Variants in GPC5 observed in about 807,000 individuals in gnomAD.
GPC5 encodes the protein glypican 5, also known as glypican-5.
GPC5 carries 47 observed loss-of-function variants against 53.9 expected under a neutral mutation model. That is an observed-to-expected ratio of 0.87 (90% confidence interval 0.69 to 1.11). GPC5 has a LOEUF of 1.11. Among genes scored for constraint, GPC5 ranks in the 50% most tolerant of loss-of-function variants. GPC5 has a pLI of 0.00. For synonymous variants in GPC5, 286 were observed against 263.3 expected (o/e 1.09, Z -0.84); for missense variants, 748 against 713.1 (o/e 1.05, Z -0.56).
chr13:92,254,685 C>A (rs1282862837), intron 7 of GPC5, among the ~76,000 whole-genome samples: 5 of 152,244 alleles, frequency 3.3e-5, no homozygotes, highest in East Asian at 1.9e-4. Flanking sequence ...GGGAAACTTA[C>A]AATCATGGCA....
intron 7 of GPC5, among the ~76,000 whole-genome samples, chr13:92,483,287 A>T (rs1317499357): frequency 1.3e-5 from 2 of 152,210 alleles, no homozygotes; most frequent in Non-Finnish European, 2.9e-5. Context: ...TAGATGATAC[A>T]GCCCACTCCC....
At chr13:92,628,169 TCAC>T (rs1209430837) in intron 7 of GPC5, among the ~76,000 whole-genome samples, 1 of 151,826 alleles carries the variant, frequency 6.6e-6, no homozygotes, top group Non-Finnish European at 1.5e-5. Flanking sequence ...CAAACTTCCT[TCAC>T]CACCTAATAG....
At chr13:91,925,497 G>T (rs1355872704) in intron 6 of GPC5, among the ~76,000 whole-genome samples, 1 of 152,160 alleles carries the variant, frequency 6.6e-6, no homozygotes, top group Non-Finnish European at 1.5e-5. Flanking sequence ...TATTATGATA[G>T]ATTCAGGGAG....
Position 92,049,325 on chromosome 13 carries a change from C to T in GPC5, c.1402-95505C>T, listed in dbSNP as rs7987911. On this transcript the variant is annotated intron_variant, in intron 6 of 7. Transcript: ENST00000377067. ...TTTTGCCCTTAGTACATATCACTATCTGACCTTATATAGTTTTTAACTTTC... is the reference window on the plus strand; with the variant it reads ...TTTTGCCCTTAGTACATATCACTATTTGACCTTATATAGTTTTTAACTTTC... Among the ~76,000 whole-genome samples, 51 of 152,208 alleles carry T rather than the reference C, an allele frequency of 3.4e-4. 1 individual carries two copies. The East Asian group carries it at 7.9e-3, about 24-fold the overall frequency.
intron 5 of GPC5, among the ~76,000 whole-genome samples, chr13:91,876,492 G>A (rs1389281279): frequency 6.6e-6 from 1 of 152,162 alleles, no homozygotes; most frequent in African/African-American, 2.4e-5. Flanking sequence ...CTCTTGTTAT[G>A]TTATAGTGAA....
At chr13:91,721,104 TCTTTCTTTCTTTCTTTC>T (rs2036458938) in intron 3 of GPC5, among the ~76,000 whole-genome samples, 1 of 142,706 alleles carries the variant, frequency 7.0e-6, no homozygotes. Flanking sequence ...TTTCTTTCTT[TCTTTCTTTCTTTCTTTC>T]TTTCTTTCTT....
intron 2 of GPC5, among the ~76,000 whole-genome samples, chr13:91,478,824 C>A (rs503330): frequency 2.6e-5 from 2 of 77,902 alleles, no homozygotes; most frequent in Non-Finnish European, 4.6e-5. Context: ...TATATATATA[C>A]ACACACACAC....
In GPC5 at chr13:92,765,582, C is replaced by T. The variant is rs934905188; in HGVS notation, c.1562-100700C>T. Among the ~76,000 whole-genome samples, 12 of 152,148 alleles carry T rather than the reference C, an allele frequency of 7.9e-5. No homozygotes were observed. In the East Asian group the frequency reaches 2.3e-3, roughly 29 times the overall value. Reference sequence around the variant, plus strand: ...CCCTCCAATGTAGAGATTGATGTAGCCCAGGAGTTCTCAGCATGTGCTGCC... The same window carrying T: ...CCCTCCAATGTAGAGATTGATGTAGTCCAGGAGTTCTCAGCATGTGCTGCC... On this transcript the variant is annotated intron_variant, in intron 7 of 7. Coordinates refer to ENST00000377067, the MANE Select transcript of GPC5 (RefSeq NM_004466.6).
chr13:91,900,694 GT>G (rs1404068862), intron 5 of GPC5, among the ~76,000 whole-genome samples: 8 of 152,012 alleles, frequency 5.3e-5, no homozygotes, highest in African/African-American at 1.9e-4. Context: ...TTGGGGAGGG[GT>G]TTAAGAAAAG....
intron 7 of GPC5, among the ~76,000 whole-genome samples, chr13:92,610,632 C>A (rs1270174227): frequency 6.6e-6 from 1 of 152,022 alleles, no homozygotes; most frequent in Non-Finnish European, 1.5e-5. Context: ...TAAAGAACTG[C>A]CGGAGACTAG....
At chr13:92,422,877 C>A (rs1446347432) in intron 7 of GPC5, among the ~76,000 whole-genome samples, 4 of 152,252 alleles carry the variant, frequency 2.6e-5, no homozygotes, top group Non-Finnish European at 4.4e-5. Context: ...GTTAGCTGGG[C>A]TGGGTCACCT....
At chr13:92,285,686 A>G (rs944475813) in intron 7 of GPC5, among the ~76,000 whole-genome samples, 1 of 152,220 alleles carries the variant, frequency 6.6e-6, no homozygotes, top group Non-Finnish European at 1.5e-5. Flanking sequence ...CTGGCTAGCC[A>G]TATGTGGAAA....
At chr13:92,362,574 T>C (rs765133034) in intron 7 of GPC5, among the ~76,000 whole-genome samples, 3 of 151,788 alleles carry the variant, frequency 2.0e-5, no homozygotes, top group Non-Finnish European at 2.9e-5. Context: ...ATCCTTCTTT[T>C]GTGACCACTG....
intron 7 of GPC5, among the ~76,000 whole-genome samples, chr13:92,167,441 A>G (rs1436341305): frequency 6.6e-6 from 1 of 152,086 alleles, no homozygotes; most frequent in Non-Finnish European, 1.5e-5. Context: ...AAGCAATGCA[A>G]ATGATTGAAG....
chr13:91,443,985 A>G (rs1369133363), intron 1 of GPC5, among the ~76,000 whole-genome samples: 3 of 152,246 alleles, frequency 2.0e-5, no homozygotes, highest in Non-Finnish European at 4.4e-5. Context: ...CAACAATTTC[A>G]GATGACATAA....
At chr13:92,659,743 G>T (rs1312773640) in intron 7 of GPC5, among the ~76,000 whole-genome samples, 1 of 152,174 alleles carries the variant, frequency 6.6e-6, no homozygotes, top group Non-Finnish European at 1.5e-5. Flanking sequence ...AGGAATGAAT[G>T]TCCTTCTCAG....
chr13:92,651,243 G>GA (rs34184523), intron 7 of GPC5, among the ~76,000 whole-genome samples: 86,505 of 150,086 alleles, frequency 0.58, 25,558 homozygotes, highest in Admixed American at 0.66. Flanking sequence ...TATGAAAATT[G>GA]AAAAAAAAAT....
At chr13:91,842,969 A>AT (rs1594611107) in intron 5 of GPC5, among the ~76,000 whole-genome samples, 1 of 152,228 alleles carries the variant, frequency 6.6e-6, no homozygotes. Flanking sequence ...GAGTCATGTG[A>AT]TTTTAATTGG....
intron 7 of GPC5, among the ~76,000 whole-genome samples, chr13:92,456,922 G>T (rs1204266431): frequency 6.6e-6 from 1 of 152,020 alleles, no homozygotes; most frequent in Non-Finnish European, 1.5e-5. Context: ...ATGATGCTGA[G>T]GGTTGGGGTA....
Sources: gnomAD v4.1 joint callset for allele counts (sites outside exome capture counted in the v4.1 genomes callset) on GRCh38, gnomAD v4.1.1 for gene constraint, MANE v1.5 for transcripts, NCBI Gene and HGNC (gene_info 2026-07-23, HGNC 2026-07-21) for gene names.